Variants in SORCS3 observed in about 807,000 individuals in gnomAD.
The protein encoded by SORCS3 is sortilin related VPS10 domain containing receptor 3.
SORCS3 carries 57 observed loss-of-function variants against 146.3 expected under a neutral mutation model. That is an observed-to-expected ratio of 0.39 (90% confidence interval 0.31 to 0.49). The LOEUF (loss-of-function observed/expected upper bound fraction) is 0.49. Ranked by LOEUF, SORCS3 falls within the 20% of genes least tolerant of loss-of-function variation. The pLI is 0.92. For missense variants in SORCS3, 1,341 were observed against 1,575.5 expected (o/e 0.85, Z 2.52); for synonymous variants, 653 against 618.5 (o/e 1.06, Z -0.83).
chr10:104,936,983 C>T (rs540405285), intron 3 of SORCS3, among the ~76,000 whole-genome samples: 2 of 152,324 alleles, frequency 1.3e-5, no homozygotes, highest in East Asian at 3.9e-4. Flanking sequence ...TGGTCCCCAA[C>T]CTTTTTGGTA....
intron 5 of SORCS3, among the ~76,000 whole-genome samples, chr10:105,064,635 G>T (rs1016495892): frequency 2.0e-5 from 3 of 147,136 alleles, no homozygotes; most frequent in Non-Finnish European, 4.6e-5. Flanking sequence ...CCAAAGTTCA[G>T]AGATTCTGGA....
chr10:105,197,831 C>T (rs1214781937), intron 14 of SORCS3, among the ~76,000 whole-genome samples: 2 of 152,110 alleles, frequency 1.3e-5, no homozygotes, highest in East Asian at 1.9e-4. Flanking sequence ...CTTCTGCCAT[C>T]GAGCATATTG....
intron 5 of SORCS3, among the ~76,000 whole-genome samples, chr10:105,083,681 C>G (rs2055640386): frequency 6.6e-6 from 1 of 152,224 alleles, no homozygotes; most frequent in Non-Finnish European, 1.5e-5. Context: ...TACTCCTCTA[C>G]TGTTGGCCCA....
chr10:105,208,731 A>G (rs962575985), intron 16 of SORCS3, among the ~76,000 whole-genome samples: 1 of 151,992 alleles, frequency 6.6e-6, no homozygotes, highest in Non-Finnish European at 1.5e-5. Context: ...GAAATTTCAT[A>G]CAGTTTCATT....
chr10:104,697,361 T>C (rs2016228677), intron 1 of SORCS3, among the ~76,000 whole-genome samples: 1 of 152,160 alleles, frequency 6.6e-6, no homozygotes, highest in Non-Finnish European at 1.5e-5. Flanking sequence ...TGCAGCTTGC[T>C]GAGAGACCAA....
intron 23 of SORCS3, 96 bp from the exon 24 acceptor site, chr10:105,255,606 A>G (rs914339981): frequency 2.0e-5 from 15 of 767,130 alleles, no homozygotes; most frequent in Admixed American, 1.1e-4. Flanking sequence ...AACCATGGTG[A>G]CTTTTTACCT....
chr10:104,694,243 A>G (rs1292940004), intron 1 of SORCS3, among the ~76,000 whole-genome samples: 2 of 151,702 alleles, frequency 1.3e-5, no homozygotes, highest in Non-Finnish European at 2.9e-5. Context: ...ATGCAGAGCC[A>G]GAAACTGCCC....
At chr10:105,191,054 A>C (rs1022472460) in intron 14 of SORCS3, among the ~76,000 whole-genome samples, 1 of 152,212 alleles carries the variant, frequency 6.6e-6, no homozygotes, top group Non-Finnish European at 1.5e-5. Context: ...TAATATGAAC[A>C]CTTTTGTGCT....
In SORCS3 at chr10:105,176,495, A is replaced by G. The variant is rs573894815; in HGVS notation, c.1902-1571A>G. Among the ~76,000 whole-genome samples, 5 of 151,748 alleles carry G rather than the reference A, an allele frequency of 3.3e-5. No individual in the cohort carries two copies. The East Asian group carries it at 9.7e-4, about 30-fold the overall frequency. ...TTGAGCTGAAGAGTTCAAGGCTGCA[A>G]TGAGCTATGATCACGCCGATGCACT... is the stretch of plus-strand genomic sequence containing the variant. On this transcript the variant is annotated intron_variant, in intron 13 of 26. Coordinates refer to ENST00000369701, the MANE Select transcript of SORCS3 (RefSeq NM_014978.3).
chr10:105,131,866 G>A (rs767438424), intron 7 of SORCS3, among the ~76,000 whole-genome samples: 3 of 152,052 alleles, frequency 2.0e-5, no homozygotes, highest in Non-Finnish European at 4.4e-5. Context: ...AAGGGAAATG[G>A]TACTAAACCA....
chr10:104,821,979 A>G (rs781059246), intron 1 of SORCS3: 18 of 417,826 alleles, frequency 4.3e-5, no homozygotes, highest in Admixed American at 8.9e-5. Context: ...TCAAGGTTGA[A>G]TGACAGCAGT....
intron 1 of SORCS3, among the ~76,000 whole-genome samples, chr10:104,727,857 T>C (rs776357878): frequency 3.3e-5 from 5 of 152,138 alleles, no homozygotes; most frequent in Non-Finnish European, 7.3e-5. Context: ...GGATCTAGGT[T>C]GCATCCTTCT....
intron 7 of SORCS3, among the ~76,000 whole-genome samples, chr10:105,111,576 G>A (rs966136690): frequency 6.6e-6 from 1 of 152,194 alleles, no homozygotes; most frequent in Non-Finnish European, 1.5e-5. Context: ...CGTAAGAAAT[G>A]ACCATGCAAT....
chr10:104,874,809 T>C (rs2018554276), intron 2 of SORCS3, among the ~76,000 whole-genome samples: 1 of 152,182 alleles, frequency 6.6e-6, no homozygotes, highest in African/African-American at 2.4e-5. Context: ...GAAATCCTTC[T>C]TGATGACTTC....
chr10:105,223,989 A>G (rs1054995354), intron 20 of SORCS3, among the ~76,000 whole-genome samples: 5 of 152,218 alleles, frequency 3.3e-5, no homozygotes, highest in African/African-American at 1.2e-4. Flanking sequence ...GATTTTCCAT[A>G]TATCCCCTGC....
chr10:105,105,354 A>G (rs2133753131), intron 6 of SORCS3, 43 bp from the exon 7 acceptor site: 2 of 1,373,914 alleles, frequency 1.5e-6, no homozygotes, highest in East Asian at 4.6e-5. Flanking sequence ...CTCCCTCATG[A>G]TTTTCACTTG....
At chr10:104,797,520 G>T (rs1024487484) in intron 1 of SORCS3, among the ~76,000 whole-genome samples, 5 of 151,608 alleles carry the variant, frequency 3.3e-5, no homozygotes, top group African/African-American at 1.2e-4. Flanking sequence ...TTTTTTAAAA[G>T]AGACAGTTCA....
intron 1 of SORCS3, among the ~76,000 whole-genome samples, chr10:104,793,314 G>C (rs899823385): frequency 6.6e-6 from 1 of 152,074 alleles, no homozygotes; most frequent in Non-Finnish European, 1.5e-5. Context: ...CAGGTCTGCT[G>C]GATTAAAATA....
intron 3 of SORCS3, among the ~76,000 whole-genome samples, chr10:104,946,674 T>C (rs2019374396): frequency 6.6e-6 from 1 of 152,158 alleles, no homozygotes; most frequent in Admixed American, 6.5e-5. Context: ...CGTATTTCCA[T>C]GTCTCAGAGT....
Sources: allele counts gnomAD v4.1 joint callset (sites outside exome capture counted in the v4.1 genomes callset), GRCh38; gene constraint gnomAD v4.1.1; transcripts MANE v1.5; gene names NCBI Gene and HGNC (gene_info 2026-07-23, HGNC 2026-07-21).